Variants in ASIC2 observed in about 807,000 individuals in gnomAD.
The protein encoded by ASIC2 is acid-sensing ion channel 2.
A neutral mutation model predicts 57.3 loss-of-function variants in ASIC2; 25 were observed. The observed-to-expected ratio is 0.44, with a 90% CI of 0.32 to 0.61. The LOEUF is 0.61. Ranked by LOEUF, ASIC2 falls within the 20% of genes least tolerant of loss-of-function variation. ASIC2 has a pLI of 0.06. For synonymous variants in ASIC2, 319 were observed against 307.5 expected (o/e 1.04, Z -0.39); for missense variants, 641 against 738.1 (o/e 0.87, Z 1.52).
chr17:33,460,369 G>A (rs1912594433), intron 1 of ASIC2, among the ~76,000 whole-genome samples: 1 of 152,166 alleles, frequency 6.6e-6, no homozygotes. Flanking sequence ...AGGAAGCTGG[G>A]AGGTGGGAAT....
chr17:33,347,257 A>G (rs1292777358), intron 1 of ASIC2, among the ~76,000 whole-genome samples: 1 of 152,238 alleles, frequency 6.6e-6, no homozygotes, highest in Non-Finnish European at 1.5e-5. Context: ...TCTTTTCAGT[A>G]TGGAAATCTT....
chr17:33,592,421 T>C (rs1242457225), intron 1 of ASIC2, among the ~76,000 whole-genome samples: 2 of 152,220 alleles, frequency 1.3e-5, no homozygotes, highest in Non-Finnish European at 2.9e-5. Flanking sequence ...ACTTTGGAGA[T>C]GGCTGGGTCA....
At position 33,850,220 on chromosome 17, in the gene ASIC2, C is replaced by T. The variant is rs145805296; in HGVS notation, c.555+305758G>A. Among the ~76,000 whole-genome samples, 51 of 152,198 alleles carry T rather than the reference C, an allele frequency of 3.4e-4. 1 individual carries two copies. Among genetic ancestry groups the T allele is most frequent in the African/African-American group, 1.2e-3 (49 of 41,534 alleles). Reference sequence around the variant, plus strand: ...AAGGGACCATGGGAGTGATGCAGGCCGACAAATGAACCTGTGCTGTATCCA... The same window carrying T: ...AAGGGACCATGGGAGTGATGCAGGCTGACAAATGAACCTGTGCTGTATCCA... On this transcript the variant is annotated intron_variant, in intron 1 of 9. Transcript: ENST00000359872.
At chr17:33,395,193 T>A (rs1007953850) in intron 1 of ASIC2, among the ~76,000 whole-genome samples, 1 of 139,676 alleles carries the variant, frequency 7.2e-6, no homozygotes, top group African/African-American at 2.6e-5. Context: ...TCCATCAACC[T>A]ATCCATTCAT....
chr17:33,602,745 C>G (rs1370997891), intron 1 of ASIC2, among the ~76,000 whole-genome samples: 3 of 152,326 alleles, frequency 2.0e-5, no homozygotes, highest in East Asian at 3.9e-4. Flanking sequence ...GTCTCAGGAC[C>G]TTTGCATGGA....
intron 1 of ASIC2, among the ~76,000 whole-genome samples, chr17:33,859,676 G>A (rs1914054781): frequency 6.6e-6 from 1 of 152,138 alleles, no homozygotes. Context: ...CAGGGGATGG[G>A]TTTACTTATT....
At chr17:33,801,018 G>A (rs759054425) in intron 1 of ASIC2, among the ~76,000 whole-genome samples, 1 of 152,200 alleles carries the variant, frequency 6.6e-6, no homozygotes, top group Non-Finnish European at 1.5e-5. Flanking sequence ...CAAGCAGTCA[G>A]TTGAGTGCTG....
intron 1 of ASIC2, among the ~76,000 whole-genome samples, chr17:33,722,386 G>A (rs561194300): frequency 5.9e-5 from 9 of 152,166 alleles, no homozygotes; most frequent in Non-Finnish European, 7.3e-5. Flanking sequence ...TATTAGCAGC[G>A]TGAGAATAGA....
At chr17:33,926,807 C>G (rs572180234) in intron 1 of ASIC2, among the ~76,000 whole-genome samples, 2 of 152,246 alleles carry the variant, frequency 1.3e-5, no homozygotes, top group African/African-American at 2.4e-5. Context: ...CAATGGCAGG[C>G]TGATTACCTG....
intron 1 of ASIC2, among the ~76,000 whole-genome samples, chr17:33,505,517 A>G (rs143278053): frequency 1.3e-5 from 2 of 152,350 alleles, no homozygotes; most frequent in Admixed American, 1.3e-4. Flanking sequence ...CCCGCTGTAT[A>G]ACGCACAGGA....
intron 1 of ASIC2, among the ~76,000 whole-genome samples, chr17:33,733,127 A>T (rs115799719): frequency 3.9e-5 from 6 of 152,186 alleles, no homozygotes; most frequent in Admixed American, 2.0e-4. Flanking sequence ...TAAAAGATAG[A>T]TAGAATATAA....
At chr17:33,674,949 G>C (rs943495257) in intron 1 of ASIC2, among the ~76,000 whole-genome samples, 3 of 152,120 alleles carry the variant, frequency 2.0e-5, no homozygotes, top group South Asian at 2.1e-4. Context: ...AAATGAGAAT[G>C]ACAATCTCAT....
intron 1 of ASIC2, among the ~76,000 whole-genome samples, chr17:33,517,743 A>C (rs1914618989): frequency 6.6e-6 from 1 of 151,536 alleles, no homozygotes; most frequent in Non-Finnish European, 1.5e-5. Context: ...AGATATACCA[A>C]ATGTTAAATG....
At chr17:33,822,302 T>G (rs1348423925) in intron 1 of ASIC2, among the ~76,000 whole-genome samples, 1 of 152,180 alleles carries the variant, frequency 6.6e-6, no homozygotes, top group Admixed American at 6.5e-5. Context: ...GAGGTAACAC[T>G]TTAGATGAAT....
At chr17:33,066,829 T>C (rs2092045425) in intron 3 of ASIC2, among the ~76,000 whole-genome samples, 2 of 152,176 alleles carry the variant, frequency 1.3e-5, no homozygotes. Flanking sequence ...GGTCCTCTGT[T>C]GGACTCTGGG....
At chr17:33,539,394 T>C (rs1160258704) in intron 1 of ASIC2, among the ~76,000 whole-genome samples, 3 of 152,242 alleles carry the variant, frequency 2.0e-5, no homozygotes, top group Admixed American at 2.0e-4. Context: ...GCTAACAGCT[T>C]CCTCCTTCTG....
At chr17:33,410,042 C>A (rs1358786285) in intron 1 of ASIC2, among the ~76,000 whole-genome samples, 2 of 152,170 alleles carry the variant, frequency 1.3e-5, no homozygotes, top group Admixed American at 6.5e-5. Flanking sequence ...CAGTTCACAC[C>A]ATTGAGGATG....
chr17:33,046,267 A>C (rs3025230), intron 3 of ASIC2, among the ~76,000 whole-genome samples: 6,178 of 152,190 alleles, frequency 0.041, 454 homozygotes, highest in African/African-American at 0.14. Flanking sequence ...TCCATTCACT[A>C]TCTCTTTTGG....
chr17:33,937,780 G>T (rs1403396053), intron 1 of ASIC2, among the ~76,000 whole-genome samples: 1 of 152,176 alleles, frequency 6.6e-6, no homozygotes, highest in Non-Finnish European at 1.5e-5. Flanking sequence ...TTAATTCATT[G>T]AGAGTTTTGT....
Sources: gnomAD v4.1 joint callset for allele counts (sites outside exome capture counted in the v4.1 genomes callset) on GRCh38, gnomAD v4.1.1 for gene constraint, MANE v1.5 for transcripts, NCBI Gene and HGNC (gene_info 2026-07-23, HGNC 2026-07-21) for gene names.